Variants in PLXNA4 observed in about 807,000 individuals in gnomAD.
PLXNA4 encodes plexin-A4.
PLXNA4 carries 44 observed loss-of-function variants against 191.8 expected under a neutral mutation model. The ratio of observed to expected loss-of-function variants is 0.23; its 90% confidence interval spans 0.18 to 0.29. The LOEUF (loss-of-function observed/expected upper bound fraction) is 0.29, where lower values mean the gene tolerates loss of function less well. Among genes scored for constraint, PLXNA4 ranks in the 10% least tolerant of loss-of-function variants. The pLI is 1.00. For synonymous variants in PLXNA4, 1,082 were observed against 1,009.5 expected (o/e 1.07, Z -1.36); for missense variants, 1,800 against 2,488.8 (o/e 0.72, Z 5.89).
chr7:132,638,667 GA>G (rs199628335), intron 2 of PLXNA4, among the ~76,000 whole-genome samples: 4 of 149,470 alleles, frequency 2.7e-5, no homozygotes, highest in East Asian at 3.9e-4. Flanking sequence ...ACAGAAAAAA[GA>G]AAAAAAAATG....
chr7:132,578,811 C>T (rs1313587809), upstream of PLXNA4, among the ~76,000 whole-genome samples: 2 of 152,180 alleles, frequency 1.3e-5, no homozygotes, highest in Non-Finnish European at 2.9e-5. Context: ...CAGAAAGCAG[C>T]AAGGAGTTAT....
intron 1 of PLXNA4, among the ~76,000 whole-genome samples, chr7:132,525,650 G>T (rs886611627): frequency 6.6e-6 from 1 of 152,186 alleles, no homozygotes; most frequent in Admixed American, 6.5e-5. Context: ...AAGACCTAGA[G>T]AAAACTTGTG....
chr7:132,180,007 C>G (rs1282022145), intron 19 of PLXNA4, 86 bp from the exon 20 acceptor site: 38 of 1,486,882 alleles, frequency 2.6e-5, no homozygotes, highest in Non-Finnish European at 3.3e-5. Flanking sequence ...AACTAGTGAC[C>G]AGGGCAGGAT....
At chr7:132,400,700 G>A (rs778440276) in intron 3 of PLXNA4, among the ~76,000 whole-genome samples, 32 of 152,264 alleles carry the variant, frequency 2.1e-4, no homozygotes, top group Non-Finnish European at 3.5e-4. Flanking sequence ...CCTCACCAGC[G>A]TTTTGGGTGT....
intron 3 of PLXNA4, among the ~76,000 whole-genome samples, chr7:132,323,448 T>G (rs1802253788): frequency 6.6e-6 from 1 of 152,090 alleles, no homozygotes. Flanking sequence ...TAAGAGAAAG[T>G]GGTAAAAGCA....
chr7:132,537,107 AT>A lies in PLXNA4; in HGVS notation c.-86-28329del, dbSNP rs557780518. ...CTGGAGGAGCGAGCTTTCTTTCTGG[AT>A]TCTTCCAAAGGGCAGAAGCAGGGCC... On this transcript the variant is annotated intron_variant, in intron 1 of 31. Transcript: ENST00000321063. Among the ~76,000 whole-genome samples the A allele has an allele frequency of 7.9e-5, 12 of 152,320 alleles. No homozygotes were observed. The South Asian group carries it at 2.5e-3, about 32-fold the overall frequency.
At chr7:132,479,083 C>T (rs146833137) in intron 3 of PLXNA4, among the ~76,000 whole-genome samples, 52 of 152,028 alleles carry the variant, frequency 3.4e-4, no homozygotes, top group African/African-American at 1.1e-3. Context: ...GCCTGGACAA[C>T]GTAGCAAGAC....
chr7:132,305,630 G>A (rs2116548084), intron 3 of PLXNA4, among the ~76,000 whole-genome samples: 1 of 152,308 alleles, frequency 6.6e-6, no homozygotes, highest in South Asian at 2.1e-4. Flanking sequence ...CAGCCATCCG[G>A]GGAGCTCCTG....
chr7:132,135,552 C>CCAT (rs1795086662), intron 30 of PLXNA4, among the ~76,000 whole-genome samples: 2 of 152,168 alleles, frequency 1.3e-5, no homozygotes, highest in African/African-American at 4.8e-5. Context: ...AGTGAAGAGA[C>CCAT]CATCACTAGG....
intron 3 of PLXNA4, among the ~76,000 whole-genome samples, chr7:132,409,722 G>A (rs1206368998): frequency 6.6e-6 from 1 of 152,196 alleles, no homozygotes; most frequent in East Asian, 1.9e-4. Context: ...CTTGTTTCTA[G>A]ACCTGATATT....
chr7:132,557,088 G>A (rs1024359196), intron 1 of PLXNA4, among the ~76,000 whole-genome samples: 5 of 152,206 alleles, frequency 3.3e-5, no homozygotes, highest in African/African-American at 7.2e-5. Flanking sequence ...CACTGGTTAC[G>A]AACCAGCAGT....
At position 132,536,833 on chromosome 7, in the gene PLXNA4, G is replaced by A. The variant is rs75965051; in HGVS notation, c.-86-28054C>T. On this transcript the variant is annotated intron_variant, in intron 1 of 31. Transcript: ENST00000321063. ...TTACAAGTCGAAGGTCCCAACTCCA[G>A]GAAGTTAGGGCAGAAAGAGACAGTC... Among the ~76,000 whole-genome samples, 1,061 of 152,290 alleles carry A rather than the reference G, an allele frequency of 7.0e-3. 13 individuals carry two copies. The highest frequency in any genetic ancestry group is 0.024 in the African/African-American group (1,008 of 41,556).
chr7:132,566,462 A>G (rs74478260), intron 1 of PLXNA4, among the ~76,000 whole-genome samples: 5,818 of 152,250 alleles, frequency 0.038, 263 homozygotes, highest in African/African-American at 0.1. Context: ...CTTTTCTTGG[A>G]TGGCAAAGTT....
At chr7:132,249,804 C>T (rs1258515338) in intron 4 of PLXNA4, among the ~76,000 whole-genome samples, 3 of 152,176 alleles carry the variant, frequency 2.0e-5, no homozygotes, top group African/African-American at 7.2e-5. Context: ...GAACACAGGT[C>T]CTGTGTTGAA....
At chr7:132,308,254 G>A (rs539838673) in intron 3 of PLXNA4, among the ~76,000 whole-genome samples, 1 of 152,300 alleles carries the variant, frequency 6.6e-6, no homozygotes, top group East Asian at 1.9e-4. Flanking sequence ...ACTCACCAGA[G>A]AGCACTGTGT....
chr7:132,520,093 T>C (rs1177955853), intron 1 of PLXNA4, among the ~76,000 whole-genome samples: 1 of 152,192 alleles, frequency 6.6e-6, no homozygotes, highest in Non-Finnish European at 1.5e-5. Flanking sequence ...TGGTGTTCAC[T>C]GGGTGACAAA....
rs147293098 is a variant in PLXNA4, at chr7:132,645,823, T to C, written c.-87+105A>G. 62 of 152,630 alleles carry C rather than the reference T, an allele frequency of 4.1e-4. 1 individual carries two copies. The highest frequency in any genetic ancestry group is 1.4e-3 in the African/African-American group (58 of 41,528). The allele number at this position is 152,630 out of a possible 1,614,324, so 9.5% of individuals were successfully genotyped here. ...GAAGCGAAAGCAGTAAGAGCTAGAA[T>C]GATTGGTCAGAGCAGTGAGGAAGAG... On this transcript the variant is annotated intron_variant, in intron 2 of 4. Transcript: ENST00000378539.
chr7:132,562,292 T>C (rs1245679886), intron 1 of PLXNA4, among the ~76,000 whole-genome samples: 38 of 87,660 alleles, frequency 4.3e-4, no homozygotes, highest in Middle Eastern at 0.013. Context: ...TCCTCCTCCT[T>C]CTCCTCCTTC....
chr7:132,627,672 C>A (rs552620099), intron 2 of PLXNA4, among the ~76,000 whole-genome samples: 34 of 152,280 alleles, frequency 2.2e-4, no homozygotes, highest in Non-Finnish European at 4.3e-4. Context: ...TCACTAGGCC[C>A]TTTTGCCCTT....
Sources: allele counts gnomAD v4.1 joint callset (sites outside exome capture counted in the v4.1 genomes callset), GRCh38; gene constraint gnomAD v4.1.1; transcripts MANE v1.5; gene names NCBI Gene and HGNC (gene_info 2026-07-23, HGNC 2026-07-21).